Variants in POU6F2 observed in about 807,000 individuals in gnomAD.
POU6F2 encodes POU domain, class 6, transcription factor 2.
POU6F2 carries 31 observed loss-of-function variants against 71.3 expected under a neutral mutation model. The ratio of observed to expected loss-of-function variants is 0.43; its 90% confidence interval spans 0.33 to 0.59. The LOEUF (loss-of-function observed/expected upper bound fraction) is 0.59. Among genes scored for constraint, POU6F2 ranks in the 20% least tolerant of loss-of-function variants. POU6F2 has a pLI of 0.04. For missense variants in POU6F2, 783 were observed against 856.8 expected (o/e 0.91, Z 1.07); for synonymous variants, 347 against 355.7 (o/e 0.98, Z 0.27).
intron 1 of POU6F2, among the ~76,000 whole-genome samples, chr7:38,995,714 C>T (rs898202322): frequency 2.0e-5 from 3 of 152,200 alleles, no homozygotes; most frequent in African/African-American, 7.2e-5. Context: ...CCTTGCACAA[C>T]TTAGCTCCTC....
intron 2 of POU6F2, among the ~76,000 whole-genome samples, chr7:39,087,887 G>A (rs1356924079): frequency 3.3e-5 from 5 of 152,054 alleles, no homozygotes; most frequent in Non-Finnish European, 5.9e-5. Context: ...GTTATGCTAC[G>A]TCTTACTGAT....
intron 1 of POU6F2, among the ~76,000 whole-genome samples, chr7:39,051,241 C>T (rs1790394482): frequency 6.6e-6 from 1 of 152,058 alleles, no homozygotes; most frequent in South Asian, 2.1e-4. Flanking sequence ...GTTCTACAGG[C>T]AAAGGACACC....
At chr7:39,060,808 G>A (rs535405584) in intron 1 of POU6F2, among the ~76,000 whole-genome samples, 1 of 152,142 alleles carries the variant, frequency 6.6e-6, no homozygotes, top group South Asian at 2.1e-4. Context: ...GTATGGTGCC[G>A]CATGCCTGTA....
At chr7:39,368,172 G>A (rs970663856) in intron 5 of POU6F2, among the ~76,000 whole-genome samples, 1 of 152,208 alleles carries the variant, frequency 6.6e-6, no homozygotes, top group Non-Finnish European at 1.5e-5. Flanking sequence ...CAAAAATCAA[G>A]AAAGGCAGAA....
intron 4 of POU6F2, among the ~76,000 whole-genome samples, chr7:39,222,710 T>G (rs1794394619): frequency 6.6e-6 from 1 of 152,228 alleles, no homozygotes; most frequent in Admixed American, 6.5e-5. Flanking sequence ...GTTTTCAAGG[T>G]TCATTCATGT....
intron 2 of POU6F2, among the ~76,000 whole-genome samples, chr7:39,173,541 C>CT (rs1336417653): frequency 5.9e-5 from 9 of 152,234 alleles, no homozygotes; most frequent in Non-Finnish European, 1.0e-4. Flanking sequence ...TAACCAATGA[C>CT]TTTCAGCATC....
intron 4 of POU6F2, among the ~76,000 whole-genome samples, chr7:39,210,758 C>G (rs774420971): frequency 1.3e-5 from 2 of 152,096 alleles, no homozygotes; most frequent in East Asian, 1.9e-4. Context: ...CCAAGACTCT[C>G]GGAACAGAAT....
At chr7:39,187,561 C>T (rs779805619) in intron 2 of POU6F2, among the ~76,000 whole-genome samples, 6 of 152,130 alleles carry the variant, frequency 3.9e-5, no homozygotes, top group Non-Finnish European at 8.8e-5. Context: ...CTGAAGGGGC[C>T]GGGGGACAGC....
At chr7:39,347,581 A>G (rs1786055054) in intron 5 of POU6F2, among the ~76,000 whole-genome samples, 1 of 151,960 alleles carries the variant, frequency 6.6e-6, no homozygotes, top group Admixed American at 6.6e-5. Context: ...ATATAATCTT[A>G]AAGACTTCCA....
chr7:39,134,847 C>T (rs115515113), intron 2 of POU6F2, among the ~76,000 whole-genome samples: 799 of 152,206 alleles, frequency 5.2e-3, no homozygotes, highest in African/African-American at 0.018. Context: ...TTAAAAGCTT[C>T]GCAAGTGCAT....
At chr7:39,218,146 G>A (rs760546894) in intron 4 of POU6F2, among the ~76,000 whole-genome samples, 9 of 152,100 alleles carry the variant, frequency 5.9e-5, no homozygotes, top group Non-Finnish European at 1.0e-4. Context: ...AGCCATCCGA[G>A]TTGGCAAAAG....
intron 1 of POU6F2, among the ~76,000 whole-genome samples, chr7:39,021,232 T>G (rs1363195697): frequency 1.3e-5 from 2 of 152,110 alleles, no homozygotes; most frequent in East Asian, 3.9e-4. Context: ...TCAATTTATG[T>G]TATGTGGTTA....
chr7:39,195,183 G>A (rs1793760575), intron 2 of POU6F2, among the ~76,000 whole-genome samples: 1 of 152,130 alleles, frequency 6.6e-6, no homozygotes, highest in African/African-American at 2.4e-5. Flanking sequence ...TGACTGCACT[G>A]TGAAATCTCA....
chr7:39,273,681 GT>G (rs1168258591), intron 4 of POU6F2, among the ~76,000 whole-genome samples: 30 of 145,694 alleles, frequency 2.1e-4, no homozygotes, highest in East Asian at 4.0e-4. Flanking sequence ...TTCTTGGTTT[GT>G]TTTTTTTTTT....
chr7:39,163,305 A>G (rs1793037111), intron 2 of POU6F2, among the ~76,000 whole-genome samples: 1 of 152,236 alleles, frequency 6.6e-6, no homozygotes, highest in South Asian at 2.1e-4. Flanking sequence ...GGAGCTAAGA[A>G]GCTGTCTATT....
chr7:39,435,722 G>C (rs565342824), intron 7 of POU6F2, among the ~76,000 whole-genome samples: 1 of 152,270 alleles, frequency 6.6e-6, no homozygotes, highest in East Asian at 1.9e-4. Flanking sequence ...GTCCTGAATG[G>C]TATTGCCTAG....
intron 4 of POU6F2, among the ~76,000 whole-genome samples, chr7:39,272,819 CAAG>C (rs1320848357): frequency 1.3e-5 from 2 of 152,166 alleles, no homozygotes; most frequent in African/African-American, 2.4e-5. Flanking sequence ...TCTTCTATAA[CAAG>C]AAGGAGAGGA....
At chr7:38,986,985 C>G (rs1788479108) in intron 1 of POU6F2, among the ~76,000 whole-genome samples, 1 of 152,102 alleles carries the variant, frequency 6.6e-6, no homozygotes, top group Non-Finnish European at 1.5e-5. Flanking sequence ...ATTTATTTAA[C>G]CAGTTCTCTC....
chr7:39,098,078 G>T (rs1169272126), intron 2 of POU6F2, among the ~76,000 whole-genome samples: 1 of 152,092 alleles, frequency 6.6e-6, no homozygotes, highest in East Asian at 1.9e-4. Flanking sequence ...CTTCTTTAGG[G>T]ATTGTCTCTT....
Sources: gnomAD v4.1 joint callset for allele counts (sites outside exome capture counted in the v4.1 genomes callset) on GRCh38, gnomAD v4.1.1 for gene constraint, MANE v1.5 for transcripts, NCBI Gene and HGNC (gene_info 2026-07-23, HGNC 2026-07-21) for gene names.